VGLL3: variants seen among roughly 807,000 people sequenced by gnomAD.
VGLL3 encodes vestigial like family member 3, also known as transcription cofactor vestigial-like protein 3.
VGLL3 carries 18 observed loss-of-function variants against 29.2 expected under a neutral mutation model. That is an observed-to-expected ratio of 0.62 (90% CI 0.43 to 0.91). VGLL3 has a LOEUF of 0.91. VGLL3 is among the 40% of genes least tolerant of loss of function. The pLI, the probability that VGLL3 is intolerant of heterozygous loss-of-function variation, is 0.00. For missense variants in VGLL3, 440 were observed against 413.2 expected (o/e 1.06, Z -0.56); for synonymous variants, 180 against 151.8 (o/e 1.19, Z -1.36).
At chr3:86,959,690 T>A (rs888661458) in intron 3 of VGLL3, among the ~76,000 whole-genome samples, 26 of 152,140 alleles carry the variant, frequency 1.7e-4, no homozygotes, top group Non-Finnish European at 3.4e-4. Flanking sequence ...TTTTTGTAAA[T>A]GTAACTGGGT....
rs1483157338 is a variant in VGLL3, at chr3:86,939,810, G to A, written c.*7214C>T. The A allele has an allele frequency of 6.6e-6, 1 of 152,226 alleles. No homozygotes were observed. The highest frequency in any genetic ancestry group is 1.5e-5 in the Non-Finnish European group (1 of 68,094). 9.4% of individuals were successfully genotyped at this position (152,226 alleles called of 1,614,324 possible). On this transcript the variant is annotated 3_prime_UTR_variant, in exon 4 of 4. Transcript: ENST00000398399. ...TCTTGACCAGGTTGCTGGATTTGAAGATGGAAGGAAACTAAGCAAAGGACT... is the reference window on the plus strand; with the variant it reads ...TCTTGACCAGGTTGCTGGATTTGAAAATGGAAGGAAACTAAGCAAAGGACT...
intron 1 of VGLL3, among the ~76,000 whole-genome samples, chr3:86,980,600 G>A (rs972410648): frequency 3.3e-5 from 5 of 151,868 alleles, no homozygotes; most frequent in African/African-American, 1.2e-4. Context: ...AACTTCAATA[G>A]TATAAACACC....
chr3:86,955,380 CTT>C (rs67190879), intron 3 of VGLL3, among the ~76,000 whole-genome samples: 8 of 131,680 alleles, frequency 6.1e-5, no homozygotes, highest in East Asian at 2.2e-4. Context: ...CTCTCTCTCT[CTT>C]TTTTTTTTTT....
At position 86,943,060 on chromosome 3, in the gene VGLL3, G is replaced by C. The variant is rs934962692; in HGVS notation, c.*3964C>G. 5.3e-5 allele frequency: 8 copies of C among 151,926 alleles called. No individual in the cohort carries two copies. The highest frequency in any genetic ancestry group is 1.9e-4 in the African/African-American group (8 of 41,386). 9.4% of individuals were successfully genotyped at this position (151,926 alleles called of 1,614,324 possible). A position where few individuals can be genotyped will look rare whatever the true frequency, so the allele number is the denominator to read the frequency against. ...GATTTCCAACTTCCAGAGCCTGCCT[G>C]TTAGGTATTATTCCATTTTACTCAT... On this transcript the variant is annotated 3_prime_UTR_variant, in exon 4 of 4. Coordinates refer to ENST00000398399, the MANE Select transcript of VGLL3 (RefSeq NM_016206.4).
chr3:86,957,420 A>T (rs1704746027), intron 3 of VGLL3, among the ~76,000 whole-genome samples: 2 of 152,190 alleles, frequency 1.3e-5, no homozygotes, highest in Admixed American at 1.3e-4. Context: ...ATGTGAATTA[A>T]TTTTTTGTCG....
intron 3 of VGLL3, among the ~76,000 whole-genome samples, chr3:86,947,402 T>C (rs1000718150): frequency 1.3e-5 from 2 of 152,164 alleles, no homozygotes; most frequent in African/African-American, 4.8e-5. Context: ...GGAGATGATA[T>C]TGGGAGAAAA....
intron 2 of VGLL3, among the ~76,000 whole-genome samples, chr3:86,975,801 CTG>C (rs1239834040): frequency 2.0e-5 from 3 of 151,968 alleles, no homozygotes; most frequent in Admixed American, 1.3e-4. Flanking sequence ...TGCTGATAAA[CTG>C]ATGTAAAAAG....
chr3:86,969,057 G>T lies in VGLL3; in HGVS notation c.470C>A (p.Pro157His), dbSNP rs972103594. The T allele has an allele frequency of 1.2e-6, 2 of 1,614,000 alleles. No individual in the cohort carries two copies. Among genetic ancestry groups the T allele is most frequent in the Admixed American group, 1.7e-5 (1 of 60,020 alleles). Reference sequence around the variant, plus strand: ...TCCCCCCAAACAAGGTGCAGGTGGGGGCTGGTAAGAGCTGGTCCAAAAGGA... The same window carrying T: ...TCCCCCCAAACAAGGTGCAGGTGGGTGCTGGTAAGAGCTGGTCCAAAAGGA... ...PTSFWTSSYQ[P>H]PPAPCLGGVH... Residue 157 changes from proline to histidine, a missense_variant, in exon 3 of 4, where the codon CCC (proline) becomes CAC (histidine). By Grantham distance (77) the Pro-to-His change is moderately conservative. Transcript: ENST00000398399.
chr3:86,967,363 C>T (rs1028296190), intron 3 of VGLL3, among the ~76,000 whole-genome samples: 2 of 152,132 alleles, frequency 1.3e-5, no homozygotes, highest in African/African-American at 4.8e-5. Flanking sequence ...ATCACACACG[C>T]ATCTGCAGAG....
chr3:86,976,021 G>A (rs571252182), intron 2 of VGLL3, among the ~76,000 whole-genome samples: 1 of 152,220 alleles, frequency 6.6e-6, no homozygotes, highest in East Asian at 1.9e-4. Flanking sequence ...GGCTGAGGCA[G>A]GAGAATCGCT....
chr3:86,962,942 A>C (rs1203627998), intron 3 of VGLL3: 1 of 178,352 alleles, frequency 5.6e-6, no homozygotes, highest in African/African-American at 2.4e-5. Flanking sequence ...AAAAATACAA[A>C]AAATTAGCCG....
chr3:86,946,187 A>T lies in VGLL3; in HGVS notation c.*837T>A. The T allele has an allele frequency of 6.6e-6, 1 of 152,178 alleles. No homozygotes were observed. Among genetic ancestry groups the T allele is most frequent in the African/African-American group, 2.4e-5 (1 of 41,444 alleles). The allele number at this position is 152,178 out of a possible 1,614,324, so 9.4% of individuals were successfully genotyped here. ...CTCCTCTAGGCAAACTCTTCATTTG[A>T]TTGAAAGTTTATGCCAACTTTCTTA... On this transcript the variant is annotated 3_prime_UTR_variant, in exon 4 of 4. Transcript: ENST00000398399.
intron 1 of VGLL3, among the ~76,000 whole-genome samples, chr3:86,982,410 T>G (rs1385163007): frequency 2.0e-5 from 3 of 151,916 alleles, no homozygotes; most frequent in Non-Finnish European, 4.4e-5. Context: ...CCTCCCAAAG[T>G]GCTGGGATTA....
chr3:86,991,027 C>G lies in VGLL3; in HGVS notation c.-284G>C. 1 of 790,998 alleles carries G rather than the reference C, an allele frequency of 1.3e-6. No homozygotes were observed. The highest frequency in any genetic ancestry group is 1.5e-6 in the Non-Finnish European group (1 of 647,100). 49.0% of individuals were successfully genotyped at this position (790,998 alleles called of 1,614,324 possible). On this transcript the variant is annotated 5_prime_UTR_variant, in exon 1 of 4. Transcript: ENST00000398399. ...TCAGGGACGCAGCCGCCCGCTGCGCCGCTGGGGCATTACCGCGTCCGGCTC... is the reference window on the plus strand; with the variant it reads ...TCAGGGACGCAGCCGCCCGCTGCGCGGCTGGGGCATTACCGCGTCCGGCTC...
chr3:86,961,104 G>A (rs1575865553), intron 3 of VGLL3, among the ~76,000 whole-genome samples: 1 of 151,740 alleles, frequency 6.6e-6, no homozygotes, highest in Non-Finnish European at 1.5e-5. Flanking sequence ...AGTAAAAATA[G>A]ATATTTATAA....
At chr3:86,986,833 G>T (rs966242154) in intron 1 of VGLL3, among the ~76,000 whole-genome samples, 1 of 152,068 alleles carries the variant, frequency 6.6e-6, no homozygotes, top group Non-Finnish European at 1.5e-5. Context: ...GTGCAACATG[G>T]ATAGCATAAG....
intron 3 of VGLL3, among the ~76,000 whole-genome samples, chr3:86,955,270 C>T (rs1704695270): frequency 6.6e-6 from 1 of 152,020 alleles, no homozygotes; most frequent in African/African-American, 2.4e-5. Flanking sequence ...AGTAATCAAT[C>T]TCTCTATTAA....
chr3:86,948,075 G>A (rs544735365), intron 3 of VGLL3, among the ~76,000 whole-genome samples: 1 of 152,146 alleles, frequency 6.6e-6, no homozygotes, highest in Non-Finnish European at 1.5e-5. Flanking sequence ...AATAAAGTTA[G>A]TTAATACATC....
At chr3:86,949,275 A>C (rs1704566490) in intron 3 of VGLL3, among the ~76,000 whole-genome samples, 1 of 152,190 alleles carries the variant, frequency 6.6e-6, no homozygotes, top group Non-Finnish European at 1.5e-5. Context: ...TCTCGTTATA[A>C]ATTCATATAT....
Sources: gnomAD v4.1 joint callset for allele counts (sites outside exome capture counted in the v4.1 genomes callset) on GRCh38, gnomAD v4.1.1 for gene constraint, MANE v1.5 for transcripts, NCBI Gene and HGNC (gene_info 2026-07-23, HGNC 2026-07-21) for gene names.